Variants in AMMECR1 observed in about 807,000 individuals in gnomAD.
AMMECR1 encodes AMMECR nuclear protein 1.
A neutral mutation model predicts 22.5 loss-of-function variants in AMMECR1; 3 were observed. The observed-to-expected ratio is 0.13, with a 90% CI of 0.06 to 0.35. The LOEUF is 0.35. AMMECR1 is among the 10% of genes least tolerant of loss of function. AMMECR1 has a pLI of 1.00. For synonymous variants in AMMECR1, 130 were observed against 116.7 expected (o/e 1.11, Z -0.74); for missense variants, 235 against 278.7 (o/e 0.84, Z 1.12).
chrX:110,300,775 A>G (rs1281654296), intron 1 of AMMECR1, among the ~76,000 whole-genome samples: 1 of 112,276 alleles, frequency 8.9e-6, no homozygotes, highest in African/African-American at 3.2e-5. Context: ...AAGAGACATC[A>G]TGTTTACCCT....
At chrX:110,426,070 TGTGGCTTG>T (rs1160925030) in intron 2 of AMMECR1, among the ~76,000 whole-genome samples, 10 of 112,082 alleles carry the variant, frequency 8.9e-5, no homozygotes, top group African/African-American at 2.9e-4. Flanking sequence ...CATTCTCTAT[TGTGGCTTG>T]ATTTCTTCTG....
At chrX:110,290,583 G>A (rs1364851481) in intron 1 of AMMECR1, among the ~76,000 whole-genome samples, 2 of 111,265 alleles carry the variant, frequency 1.8e-5, no homozygotes, top group Non-Finnish European at 3.8e-5. Context: ...AATGATGTAA[G>A]TTTTAATGAA....
intron 3 of AMMECR1, among the ~76,000 whole-genome samples, chrX:110,211,650 G>A (rs780350702): frequency 1.8e-5 from 2 of 112,480 alleles, no homozygotes; most frequent in African/African-American, 3.2e-5. Context: ...AGCATATCAT[G>A]TCAGATTTAT....
intron 2 of AMMECR1, among the ~76,000 whole-genome samples, chrX:110,407,807 A>G (rs2068613469): frequency 8.9e-6 from 1 of 112,351 alleles, no homozygotes; most frequent in Non-Finnish European, 1.9e-5. Flanking sequence ...TTTTCTTTCT[A>G]TTTGCAGAAG....
intron 2 of AMMECR1, among the ~76,000 whole-genome samples, chrX:110,333,348 T>C (rs1289075474): frequency 8.1e-5 from 9 of 111,630 alleles, no homozygotes; most frequent in African/African-American, 2.6e-4. Context: ...CTGGAGAGGA[T>C]GTGGAGAAAT....
rs1180311961 is a variant in AMMECR1 at position 110,357,359 on chromosome X, C to CT, written c.-147-39511dup. 2.7e-5 allele frequency among the ~76,000 whole-genome samples: 3 copies of CT among 111,611 alleles called. No individual in the cohort carries two copies. The Admixed American group carries it at 2.9e-4, about 11-fold the overall frequency. ...AAATTGTGCCTTTTTACACTTTTTA[C>CT]TTTTTTAAAAGTATTTCAGCTTTTA... On this transcript the variant is annotated intron_variant, in intron 2 of 7. Coordinates refer to the AMMECR1 transcript ENST00000372057.
At chrX:110,351,696 A>G (rs1359354062) in intron 2 of AMMECR1, among the ~76,000 whole-genome samples, 2 of 111,983 alleles carry the variant, frequency 1.8e-5, no homozygotes, top group Non-Finnish European at 3.8e-5. Flanking sequence ...ACTTTCTTAA[A>G]TAGGACACCA....
chrX:110,238,726 T>A, intron 2 of AMMECR1, among the ~76,000 whole-genome samples: 1 of 112,015 alleles, frequency 8.9e-6, no homozygotes, highest in Non-Finnish European at 1.9e-5. Flanking sequence ...CTCAAGTGGG[T>A]CCCTGACCCC....
intron 1 of AMMECR1, among the ~76,000 whole-genome samples, chrX:110,274,717 T>C (rs1459759329): frequency 8.9e-6 from 1 of 112,289 alleles, no homozygotes; most frequent in African/African-American, 3.2e-5. Flanking sequence ...TTACATTTAA[T>C]ATAACTGCTG....
chrX:110,258,752 C>G (rs780528851), intron 2 of AMMECR1, among the ~76,000 whole-genome samples: 5 of 111,615 alleles, frequency 4.5e-5, no homozygotes, highest in Non-Finnish European at 9.4e-5. Flanking sequence ...CAATAATGTA[C>G]AGTCAGAGGT....
chrX:110,378,994 C>A (rs1370337774), intron 2 of AMMECR1, among the ~76,000 whole-genome samples: 1 of 112,037 alleles, frequency 8.9e-6, no homozygotes, highest in Non-Finnish European at 1.9e-5. Flanking sequence ...TAACAGCAAG[C>A]ACAGCTTCTC....
At chrX:110,372,137 G>T (rs1271426302) in intron 2 of AMMECR1, among the ~76,000 whole-genome samples, 1 of 111,805 alleles carries the variant, frequency 8.9e-6, no homozygotes. Flanking sequence ...TCTGTGTTTA[G>T]ATCTTGGGCT....
Position 110,203,552 on chromosome X carries a change from T to G in AMMECR1, c.700-1016A>C, listed in dbSNP as rs1004470417. On this transcript the variant is annotated intron_variant, in intron 3 of 5. Coordinates refer to ENST00000262844, the MANE Select transcript of AMMECR1 (RefSeq NM_015365.3). ...CCATTCTGTTCTCTTGGATCTGTGG[T>G]TGCCTCAGATCAATGGTTCCCAAGT... Among the ~76,000 whole-genome samples, 6 of 111,544 alleles carry G rather than the reference T, an allele frequency of 5.4e-5. No homozygotes were observed. In the Admixed American group the frequency reaches 5.7e-4, roughly 11 times the overall value.
At chrX:110,291,272 C>A (rs1273781798) in intron 1 of AMMECR1, among the ~76,000 whole-genome samples, 1 of 111,021 alleles carries the variant, frequency 9.0e-6, no homozygotes, top group Non-Finnish European at 1.9e-5. Flanking sequence ...CTGGTAATCC[C>A]AACACATGGG....
chrX:110,313,019 A>G (rs1440085779), intron 1 of AMMECR1, among the ~76,000 whole-genome samples: 1 of 112,082 alleles, frequency 8.9e-6, no homozygotes, highest in Non-Finnish European at 1.9e-5. Flanking sequence ...GCTTATATTT[A>G]AAATACAAAT....
intron 2 of AMMECR1, among the ~76,000 whole-genome samples, chrX:110,413,977 C>A (rs913917500): frequency 1.8e-5 from 2 of 111,916 alleles, no homozygotes; most frequent in African/African-American, 6.5e-5. Context: ...GTGACTGAGG[C>A]TCAGAGAGGT....
intron 2 of AMMECR1, among the ~76,000 whole-genome samples, chrX:110,383,186 A>G (rs1239554168): frequency 9.0e-6 from 1 of 111,616 alleles, no homozygotes; most frequent in African/African-American, 3.3e-5. Flanking sequence ...AGATTGGAGA[A>G]GGCTATCTGT....
At chrX:110,382,731 C>T (rs920366844) in intron 2 of AMMECR1, among the ~76,000 whole-genome samples, 1 of 111,801 alleles carries the variant, frequency 8.9e-6, no homozygotes, top group African/African-American at 3.3e-5. Flanking sequence ...CTCATTCCTA[C>T]AAGTCTACCC....
chrX:110,403,142 C>T (rs1370308716), intron 2 of AMMECR1, among the ~76,000 whole-genome samples: 2 of 111,390 alleles, frequency 1.8e-5, no homozygotes, highest in Admixed American at 1.9e-4. Flanking sequence ...GCTTTCCCTG[C>T]CCCTGTTCTT....
Sources: allele counts gnomAD v4.1 joint callset (sites outside exome capture counted in the v4.1 genomes callset), GRCh38; gene constraint gnomAD v4.1.1; transcripts MANE v1.5; gene names NCBI Gene and HGNC (gene_info 2026-07-23, HGNC 2026-07-21).